The following FGFR2 variants were observed in gnomAD, a reference collection of about 807,000 sequenced individuals.
FGFR2 encodes BEK fibroblast growth factor receptor.
A neutral mutation model predicts 95.9 loss-of-function variants in FGFR2; 19 were observed. The observed-to-expected ratio is 0.20, with a 90% CI of 0.14 to 0.29. The LOEUF (loss-of-function observed/expected upper bound fraction) is 0.29. Ranked by LOEUF, FGFR2 falls within the 10% of genes least tolerant of loss-of-function variation. The pLI is 1.00. For synonymous variants in FGFR2, 392 were observed against 393.3 expected (o/e 1.00, Z 0.04); for missense variants, 707 against 1,056.9 (o/e 0.67, Z 4.59).
At chr10:121,564,102 A>G (rs1409889055) in intron 4 of FGFR2, among the ~76,000 whole-genome samples, 1 of 152,168 alleles carries the variant, frequency 6.6e-6, no homozygotes, top group Non-Finnish European at 1.5e-5. Context: ...GTGCCGGGAG[A>G]GCAAGAATAG....
chr10:121,486,693 C>G (rs376924442), intron 15 of FGFR2, among the ~76,000 whole-genome samples: 20 of 152,296 alleles, frequency 1.3e-4, no homozygotes, highest in East Asian at 3.9e-4. Context: ...ACCCGCCTTG[C>G]CCTCCCAAAG....
rs1364047666 is a variant in FGFR2 at position 121,598,063 on chromosome 10, A to T, written c.-252T>A. 1 of 397,860 alleles carries T rather than the reference A, an allele frequency of 2.5e-6. No homozygotes were observed. The highest frequency in any genetic ancestry group is 4.4e-6 in the Non-Finnish European group (1 of 225,664). 24.6% of individuals were successfully genotyped at this position (397,860 alleles called of 1,614,324 possible). On this transcript the variant is annotated 5_prime_UTR_variant, in exon 1 of 18. Coordinates refer to ENST00000358487, the MANE Select transcript of FGFR2 (RefSeq NM_000141.5). ...CCGGGGTTGCGGGGAGCAACTCCAAACGCAGAAGAGTGGTCCTTGGGTCTT... is the reference window on the plus strand; with the variant it reads ...CCGGGGTTGCGGGGAGCAACTCCAATCGCAGAAGAGTGGTCCTTGGGTCTT...
chr10:121,519,770 G>C (rs1198772016), intron 7 of FGFR2, among the ~76,000 whole-genome samples: 1 of 152,170 alleles, frequency 6.6e-6, no homozygotes, highest in Non-Finnish European at 1.5e-5. Flanking sequence ...TCTTCCCCAA[G>C]TTTAGTAGTT....
intron 13 of FGFR2, among the ~76,000 whole-genome samples, chr10:121,496,240 C>T (rs1489125106): frequency 6.6e-6 from 1 of 151,298 alleles, no homozygotes; most frequent in African/African-American, 2.4e-5. Context: ...CCTTTAAAAC[C>T]ATCCATTTCC....
intron 3 of FGFR2, 35 bp downstream of exon 3, chr10:121,565,403 A>G (rs2135107688): frequency 1.2e-6 from 2 of 1,613,084 alleles, no homozygotes; most frequent in Non-Finnish European, 1.7e-6. Flanking sequence ...ATGGCTACAG[A>G]GAAGAGAGAG....
chr10:121,508,968 A>C (rs2134137123), intron 9 of FGFR2, among the ~76,000 whole-genome samples: 1 of 152,344 alleles, frequency 6.6e-6, no homozygotes, highest in South Asian at 2.1e-4. Context: ...GGTCCTGGGC[A>C]GGCCATTCCC....
intron 2 of FGFR2, among the ~76,000 whole-genome samples, chr10:121,579,231 T>A (rs987692132): frequency 6.6e-6 from 1 of 152,160 alleles, no homozygotes; most frequent in African/African-American, 2.4e-5. Context: ...ATATTTAAAG[T>A]GAGGGGCACG....
chr10:121,483,266 G>C (rs3135810), intron 17 of FGFR2, among the ~76,000 whole-genome samples: 124,740 of 152,112 alleles, frequency 0.82, 51,594 homozygotes, highest in East Asian at 1. Flanking sequence ...GCTGGTGTTA[G>C]AAAACTTCAT....
intron 4 of FGFR2, among the ~76,000 whole-genome samples, chr10:121,561,857 A>C (rs1015122790): frequency 6.6e-6 from 1 of 152,246 alleles, no homozygotes; most frequent in Non-Finnish European, 1.5e-5. Flanking sequence ...GAAAACAAAC[A>C]ACCTAATTAA....
chr10:121,496,830 TTA>T, intron 12 of FGFR2, 108 bp from the exon 13 acceptor site: 7 of 1,043,472 alleles, frequency 6.7e-6, no homozygotes, highest in Non-Finnish European at 1.0e-5. Flanking sequence ...TTTTTTTTTT[TTA>T]AAGTTTAACA....
At chr10:121,504,297 CCTG>C (rs1176104813) in intron 9 of FGFR2, among the ~76,000 whole-genome samples, 8 of 148,948 alleles carry the variant, frequency 5.4e-5, no homozygotes, top group Non-Finnish European at 1.5e-5. Flanking sequence ...TGTACCTGCA[CCTG>C]TACTGGAGCC....
intron 5 of FGFR2, among the ~76,000 whole-genome samples, chr10:121,541,178 T>C (rs1429682890): frequency 2.0e-5 from 3 of 152,226 alleles, no homozygotes; most frequent in Non-Finnish European, 4.4e-5. Flanking sequence ...AGGGTGTTTC[T>C]GTCCATCCAG....
chr10:121,526,946 G>C lies in FGFR2; in HGVS notation c.749-6777C>G, dbSNP rs1851458355. The C allele has an allele frequency of 1.0e-5, 4 of 393,186 alleles. No homozygotes were observed. The East Asian group carries it at 1.1e-4, about 11-fold the overall frequency. The allele number at this position is 393,186 out of a possible 1,614,324, so 24.4% of individuals were successfully genotyped here. A position where few individuals can be genotyped will look rare whatever the true frequency, so the allele number is the denominator to read the frequency against. On this transcript the variant is annotated intron_variant, in intron 6 of 17. Transcript: ENST00000358487. ...AAACACACACGTCTCTTTGCAGAGA[G>C]AGTGAAGTCTGCGGAACAAACTTGT...
intron 6 of FGFR2, among the ~76,000 whole-genome samples, chr10:121,520,748 T>C (rs1850424181): frequency 6.6e-6 from 1 of 152,122 alleles, no homozygotes; most frequent in South Asian, 2.1e-4. Context: ...GCTCAGGTGA[T>C]TCTCCAACCT....
Position 121,565,526 on chromosome 10 carries a change from G to A in FGFR2, c.288C>T (p.Gly96=), listed in dbSNP as rs55806379. Residue 96 remains glycine, a synonymous_variant, in exon 3 of 18, where the codon GGC becomes GGT. Coordinates refer to ENST00000358487, the MANE Select transcript of FGFR2 (RefSeq NM_000141.5). ...VLIGEYLQIK[G]ATPRDSGLYA... is the part of the protein sequence containing the mutation. ...AGAGGCCGGAGTCTCTAGGCGTGGCGCCCTTTATCTGCAAGTACTCCCCAA... is the reference window on the plus strand; with the variant it reads ...AGAGGCCGGAGTCTCTAGGCGTGGCACCCTTTATCTGCAAGTACTCCCCAA... 46 of 1,614,176 alleles carry A rather than the reference G, an allele frequency of 2.8e-5. No homozygotes were observed. Among genetic ancestry groups the A allele is most frequent in the Admixed American group, 2.8e-4 (17 of 60,008 alleles).
intron 6 of FGFR2, among the ~76,000 whole-genome samples, chr10:121,535,446 A>C (rs1852694400): frequency 6.6e-6 from 1 of 152,226 alleles, no homozygotes; most frequent in Non-Finnish European, 1.5e-5. Context: ...ATTCCACGGC[A>C]TAAGCCGCTT....
At chr10:121,527,031 C>G (rs915062972) in intron 6 of FGFR2, 2 of 344,646 alleles carry the variant, frequency 5.8e-6, no homozygotes, top group Admixed American at 4.8e-5. Flanking sequence ...CTTATGGAGG[C>G]TGCACCCTGT....
chr10:121,506,662 C>T (rs1233432397), intron 9 of FGFR2, among the ~76,000 whole-genome samples: 1 of 152,132 alleles, frequency 6.6e-6, no homozygotes, highest in East Asian at 1.9e-4. Context: ...CAGCGAGGCT[C>T]ACAGAATAGG....
chr10:121,524,711 T>C (rs1381766159), intron 6 of FGFR2, among the ~76,000 whole-genome samples: 2 of 152,188 alleles, frequency 1.3e-5, no homozygotes, highest in Non-Finnish European at 2.9e-5. Context: ...AGGGTGCAGA[T>C]GGTGGACGAG....
Sources: allele counts gnomAD v4.1 joint callset (sites outside exome capture counted in the v4.1 genomes callset), GRCh38; gene constraint gnomAD v4.1.1; transcripts MANE v1.5; gene names NCBI Gene and HGNC (gene_info 2026-07-23, HGNC 2026-07-21).